Variants in GTF2F2 observed in about 807,000 individuals in gnomAD.
GTF2F2 encodes ATP-dependent helicase GTF2F2.
GTF2F2 carries 23 observed loss-of-function variants against 42.2 expected under a neutral mutation model. The observed-to-expected ratio is 0.55, with a 90% confidence interval of 0.39 to 0.77. The LOEUF is 0.77. Among genes scored for constraint, GTF2F2 ranks in the 30% least tolerant of loss-of-function variants. GTF2F2 has a pLI of 0.00. For missense variants in GTF2F2, 261 were observed against 287.2 expected (o/e 0.91, Z 0.66); for synonymous variants, 105 against 100.8 (o/e 1.04, Z -0.25).
intron 5 of GTF2F2, among the ~76,000 whole-genome samples, chr13:45,222,148 A>G (rs1389328246): frequency 6.6e-6 from 1 of 152,202 alleles, no homozygotes; most frequent in Non-Finnish European, 1.5e-5. Context: ...ATTAATTATG[A>G]CATACTGACT....
intron 4 of GTF2F2, among the ~76,000 whole-genome samples, chr13:45,186,820 A>G (rs1407059493): frequency 6.6e-6 from 1 of 152,202 alleles, no homozygotes; most frequent in Non-Finnish European, 1.5e-5. Context: ...CAAATTAAGA[A>G]TTAGTAGACT....
At chr13:45,262,598 T>C (rs1364370832) in intron 6 of GTF2F2, among the ~76,000 whole-genome samples, 2 of 151,930 alleles carry the variant, frequency 1.3e-5, no homozygotes, top group African/African-American at 4.8e-5. Flanking sequence ...CAGCTAATTT[T>C]TGTAGAGGCT....
At chr13:45,132,385 T>G (rs1034805858) in intron 1 of GTF2F2, among the ~76,000 whole-genome samples, 3 of 152,026 alleles carry the variant, frequency 2.0e-5, no homozygotes, top group African/African-American at 4.8e-5. Context: ...TTGTTGGACT[T>G]AAGAGTCCAA....
intron 1 of GTF2F2, among the ~76,000 whole-genome samples, chr13:45,127,079 G>A (rs1363745117): frequency 6.6e-6 from 1 of 152,086 alleles, no homozygotes; most frequent in Non-Finnish European, 1.5e-5. Flanking sequence ...CCTCTTTTGA[G>A]ACTTAATAGG....
At chr13:45,164,993 G>A (rs2138136426) in intron 4 of GTF2F2, among the ~76,000 whole-genome samples, 1 of 152,240 alleles carries the variant, frequency 6.6e-6, no homozygotes, top group African/African-American at 2.4e-5. Flanking sequence ...GATACACAAT[G>A]TTTACATCTT....
intron 1 of GTF2F2, among the ~76,000 whole-genome samples, chr13:45,131,123 G>A (rs770616186): frequency 1.8e-4 from 27 of 151,814 alleles, no homozygotes; most frequent in Non-Finnish European, 3.1e-4. Context: ...CAGGAGAATC[G>A]CTTGAACCCG....
intron 5 of GTF2F2, among the ~76,000 whole-genome samples, chr13:45,215,695 A>G (rs1379481834): frequency 6.6e-6 from 1 of 150,764 alleles, no homozygotes. Flanking sequence ...CAGGAGGCAG[A>G]GGTTGCAGTG....
At chr13:45,123,349 C>G (rs1233429937) in intron 1 of GTF2F2, 1 of 152,228 alleles carries the variant, frequency 6.6e-6, no homozygotes, top group East Asian at 1.9e-4. Context: ...TATGGCAGGC[C>G]GGGTGCAGTG....
chr13:45,216,811 G>T (rs775719740), intron 5 of GTF2F2, among the ~76,000 whole-genome samples: 1 of 151,616 alleles, frequency 6.6e-6, no homozygotes, highest in East Asian at 2.0e-4. Flanking sequence ...GAACCACCGC[G>T]CCGGCCCAAA....
intron 4 of GTF2F2, chr13:45,194,165 G>A (rs751179380): frequency 6.2e-7 from 1 of 1,614,108 alleles, no homozygotes; most frequent in Non-Finnish European, 8.5e-7. Context: ...CTGGGTGTTA[G>A]CTGTTCTTTC....
Position 45,179,408 on chromosome 13 carries a change from T to G in GTF2F2, c.304+27577T>G, listed in dbSNP as rs117741312. ...TGAGAGTAAAAAGGAGCACTATTTT[T>G]AAGCATGCCAATACTTGGGGTGTAA... On this transcript the variant is annotated intron_variant, in intron 4 of 7. Transcript: ENST00000340473. Among the ~76,000 whole-genome samples, 53 of 152,350 alleles carry G rather than the reference T, an allele frequency of 3.5e-4. No homozygotes were observed. In the East Asian group the frequency reaches 9.8e-3, roughly 28 times the overall value.
chr13:45,272,074 T>G (rs1876816232), intron 7 of GTF2F2, among the ~76,000 whole-genome samples: 1 of 149,540 alleles, frequency 6.7e-6, no homozygotes, highest in Non-Finnish European at 1.5e-5. Flanking sequence ...ATTTTTAAAT[T>G]TTTATATTTT....
chr13:45,152,118 T>G (rs1261255631), intron 4 of GTF2F2, among the ~76,000 whole-genome samples: 1 of 152,090 alleles, frequency 6.6e-6, no homozygotes, highest in African/African-American at 2.4e-5. Context: ...TTTCTCCATG[T>G]TGGTCAGGCT....
intron 4 of GTF2F2, among the ~76,000 whole-genome samples, chr13:45,188,272 G>T (rs1342264139): frequency 2.0e-5 from 3 of 152,130 alleles, no homozygotes; most frequent in Non-Finnish European, 4.4e-5. Flanking sequence ...ATTTTGACAT[G>T]AAGCTAGAAA....
chr13:45,217,800 A>C (rs1305008320), intron 5 of GTF2F2, among the ~76,000 whole-genome samples: 2 of 152,226 alleles, frequency 1.3e-5, no homozygotes, highest in Non-Finnish European at 2.9e-5. Context: ...AGGCAAAACT[A>C]TGAAGTATGG....
rs180963225 is a variant in GTF2F2 at position 45,180,046 on chromosome 13, A to G, written c.305-27378A>G. On this transcript the variant is annotated intron_variant, in intron 4 of 7. Coordinates refer to ENST00000340473, the MANE Select transcript of GTF2F2 (RefSeq NM_004128.3). ...CATGTTTTTCACTTTTTGACAATCTATCAATTCTCTGTTACGAAAATTTTG... is the reference window on the plus strand; with the variant it reads ...CATGTTTTTCACTTTTTGACAATCTGTCAATTCTCTGTTACGAAAATTTTG... Among the ~76,000 whole-genome samples the G allele has an allele frequency of 2.5e-4, 38 of 152,248 alleles. No individual in the cohort carries two copies. In the South Asian group the frequency reaches 3.5e-3, roughly 14 times the overall value.
rs146897412 is a variant in GTF2F2 at position 45,216,017 on chromosome 13, C to G, written c.386+8512C>G. ...TTGTAATCCCGGCACTTTGGGAGGC[C>G]GAGTCTTGAGCCCAGGAGTTTGAGA... On this transcript the variant is annotated intron_variant, in intron 5 of 7. Coordinates refer to ENST00000340473, the MANE Select transcript of GTF2F2 (RefSeq NM_004128.3). Among the ~76,000 whole-genome samples the G allele has an allele frequency of 1.1e-4, 16 of 151,856 alleles. No individual in the cohort carries two copies. In the South Asian group the frequency reaches 3.1e-3, roughly 30 times the overall value.
intron 6 of GTF2F2, among the ~76,000 whole-genome samples, chr13:45,260,403 A>G (rs754404079): frequency 8.5e-5 from 13 of 152,234 alleles, no homozygotes; most frequent in Admixed American, 1.3e-4. Flanking sequence ...TTTCCTCCCA[A>G]GAGATAATGA....
In GTF2F2 at chr13:45,262,033, G is replaced by T. The variant is rs1876363049; in HGVS notation, c.487-5200G>T. Among the ~76,000 whole-genome samples the T allele has an allele frequency of 7.2e-5, 11 of 152,110 alleles. 2 individuals carry two copies. The South Asian group carries it at 2.3e-3, about 32-fold the overall frequency. The stretch of plus-strand genomic sequence containing the variant: ...CTGGAACTACTTATCTGATACCACA[G>T]AGCAGAATTTGGATTATGAGCCTGT... On this transcript the variant is annotated intron_variant, in intron 6 of 7. Coordinates refer to ENST00000340473, the MANE Select transcript of GTF2F2 (RefSeq NM_004128.3).
Sources: gnomAD v4.1 joint callset for allele counts (sites outside exome capture counted in the v4.1 genomes callset) on GRCh38, gnomAD v4.1.1 for gene constraint, MANE v1.5 for transcripts, NCBI Gene and HGNC (gene_info 2026-07-23, HGNC 2026-07-21) for gene names.